Variants in MANSC1 observed in about 807,000 individuals in gnomAD.
The protein encoded by MANSC1 is MANSC domain-containing protein 1.
A neutral mutation model predicts 14.1 loss-of-function variants in MANSC1; 13 were observed. The ratio of observed to expected loss-of-function variants is 0.92; its 90% CI spans 0.60 to 1.46. The LOEUF is 1.46. Among genes scored for constraint, MANSC1 ranks in the 40% most tolerant of loss-of-function variants. The pLI, the probability that MANSC1 is intolerant of heterozygous loss-of-function variation, is 0.00. For missense variants in MANSC1, 486 were observed against 511.4 expected (o/e 0.95, Z 0.48); for synonymous variants, 227 against 200.7 (o/e 1.13, Z -1.11).
At chr12:12,342,107 T>C (rs1592035491) in intron 2 of MANSC1, among the ~76,000 whole-genome samples, 1 of 152,360 alleles carries the variant, frequency 6.6e-6, no homozygotes, top group Non-Finnish European at 1.5e-5. Context: ...CACGCCTGGC[T>C]GATTTTTTAC....
Position 12,338,917 on chromosome 12 carries a change from A to ACACC in MANSC1, c.224-358_224-357insGGTG, listed in dbSNP as rs749773741. ...CACACACACACACACACACACACAC[A>ACACC]CCCCTAAGACCTGCATGTCACTTAC... On this transcript the variant is annotated intron_variant, in intron 2 of 3. Transcript: ENST00000535902. 1.4e-3 allele frequency: 335 copies of ACACC among 241,434 alleles called. 4 individuals are homozygous for ACACC. Among genetic ancestry groups the ACACC allele is most frequent in the South Asian group, 4.5e-3 (85 of 18,692 alleles). The allele number at this position is 241,434 out of a possible 1,614,324, so 15.0% of individuals were successfully genotyped here. A position where few individuals can be genotyped will look rare whatever the true frequency, so the allele number is the denominator to read the frequency against.
intron 2 of MANSC1, chr12:12,338,921 CT>C: frequency 1.9e-5 from 3 of 159,170 alleles, no homozygotes; most frequent in Non-Finnish European, 3.7e-5. Context: ...ACACACACCC[CT>C]AAGACCTGCA....
rs1248844047 is a variant in MANSC1, at chr12:12,344,915, CCATATATATA to C, written c.-100-1511_-100-1502del. Among the ~76,000 whole-genome samples, 140 of 30,050 alleles carry C rather than the reference CCATATATATA, an allele frequency of 4.7e-3. 1 individual carries two copies. Among genetic ancestry groups the C allele is most frequent in the Middle Eastern group, 0.023 (1 of 44 alleles). 19.7% of individuals were successfully genotyped at this position (30,050 alleles called of 152,430 possible). ...ATGTGAGTTAATACTTAATAAACTC[CCATATATATA>C]TATATATATATATATATATATATAT... On this transcript the variant is annotated intron_variant, in intron 1 of 3. Coordinates refer to ENST00000535902, the MANE Select transcript of MANSC1 (RefSeq NM_018050.4).
intron 3 of MANSC1, among the ~76,000 whole-genome samples, chr12:12,331,584 C>A (rs1018310047): frequency 1.3e-5 from 2 of 152,036 alleles, no homozygotes; most frequent in African/African-American, 4.8e-5. Context: ...AAATGGGGAG[C>A]AAGTAATCAT....
chr12:12,346,518 A>G (rs895900235), intron 1 of MANSC1, among the ~76,000 whole-genome samples: 4 of 152,226 alleles, frequency 2.6e-5, no homozygotes, highest in African/African-American at 9.6e-5. Flanking sequence ...GAATAGACAA[A>G]CAGATCAATG....
intron 2 of MANSC1, among the ~76,000 whole-genome samples, chr12:12,342,514 C>T (rs1466493455): frequency 6.8e-6 from 1 of 148,128 alleles, no homozygotes; most frequent in East Asian, 2.0e-4. Context: ...TGAAAATGGG[C>T]CAGACTAATT....
rs994265657 is a variant in MANSC1, at chr12:12,330,896, G to A, written c.427C>T (p.His143Tyr). 3 of 1,611,830 alleles carry A rather than the reference G, an allele frequency of 1.9e-6. No homozygotes were observed. In the African/African-American group the frequency reaches 4.0e-5, roughly 22 times the overall value. ...GTGACTGCTTGTGAAAATTGGCCAT[G>A]TAAGAGAGAATCTTCCTGGGGTAAC... The part of the protein sequence containing the change: ...QELPQEDSLL[H>Y]GQFSQAVTPL... Residue 143 changes from histidine (H) to tyrosine (Y), a missense_variant, in exon 4 of 4, where the codon CAT (histidine) becomes TAT (tyrosine). Physicochemically the swap from His to Tyr is moderately conservative, Grantham distance 83. Transcript: ENST00000535902.
chr12:12,343,305 C>G lies in MANSC1; in HGVS notation c.10G>C (p.Gly4Arg), dbSNP rs770052461. 2.5e-5 allele frequency: 40 copies of G among 1,612,740 alleles called. No homozygotes were observed. Among genetic ancestry groups the G allele is most frequent in the Non-Finnish European group, 3.2e-5 (38 of 1,178,998 alleles). MFF[G>R]GEGSLTYTLV... Reference sequence around the variant, plus strand: ...GTGTAAGTCAAGCTCCCTTCTCCCCCGAAGAACATTTTAAATTTCAGTTTA... The same window carrying G: ...GTGTAAGTCAAGCTCCCTTCTCCCCGGAAGAACATTTTAAATTTCAGTTTA... The change falls in exon 2 of 4, where the codon GGG (glycine) becomes CGG (arginine). Residue 4 changes from glycine to arginine, a missense_variant. Physicochemically the swap from Gly to Arg is moderately radical, Grantham distance 125. Coordinates refer to ENST00000535902, the MANE Select transcript of MANSC1 (RefSeq NM_018050.4).
chr12:12,336,861 T>C (rs1463035579), intron 3 of MANSC1, among the ~76,000 whole-genome samples: 2 of 152,236 alleles, frequency 1.3e-5, no homozygotes, highest in Non-Finnish European at 1.5e-5. Flanking sequence ...CCTTAGGGCA[T>C]AGAAAGTACT....
At chr12:12,342,841 G>A (rs77328362) in intron 2 of MANSC1, among the ~76,000 whole-genome samples, 1,775 of 152,128 alleles carry the variant, frequency 0.012, 33 homozygotes, top group African/African-American at 0.04. Flanking sequence ...GATACCAGTT[G>A]GGATATAACA....
In MANSC1 at chr12:12,344,712, C is replaced by T. The variant is rs534537013; in HGVS notation, c.-100-1298G>A. On this transcript the variant is annotated intron_variant, in intron 1 of 3. Coordinates refer to ENST00000535902, the MANE Select transcript of MANSC1 (RefSeq NM_018050.4). ...TCTCGATCTCCTGACCATGATCCGC[C>T]TGCCTCGGCCTCCCAAAGTGCTGGG... 3.6e-4 allele frequency among the ~76,000 whole-genome samples: 54 copies of T among 150,274 alleles called. 1 individual carries two copies. In the East Asian group the frequency reaches 9.9e-3, roughly 27 times the overall value.
In MANSC1 at chr12:12,330,528, G is replaced by A. The variant is rs1242743343; in HGVS notation, c.795C>T (p.Ala265=). The change falls in exon 4 of 4, where the codon GCC becomes GCT. Residue 265 remains alanine, a synonymous_variant. Coordinates refer to ENST00000535902, the MANE Select transcript of MANSC1 (RefSeq NM_018050.4). ...CAGTGGTTACAGGTGGAGCTGTGGTGGCCAGCTGTGGCTGGGAAGTCCCAG... is the reference window on the plus strand; with the variant it reads ...CAGTGGTTACAGGTGGAGCTGTGGTAGCCAGCTGTGGCTGGGAAGTCCCAG... The part of the protein sequence containing the change: ...TPSGTSQPQL[A]TTAPPVTTVT... 66 of 1,614,092 alleles carry A rather than the reference G, an allele frequency of 4.1e-5. No homozygotes were observed. The highest frequency in any genetic ancestry group is 5.4e-5 in the Non-Finnish European group (64 of 1,180,042).
intron 3 of MANSC1, among the ~76,000 whole-genome samples, chr12:12,335,965 C>G (rs1862853957): frequency 6.6e-6 from 1 of 151,428 alleles, no homozygotes; most frequent in Non-Finnish European, 1.5e-5. Context: ...GGTGGATTAC[C>G]CGACATCAGG....
At chr12:12,335,299 A>G (rs1441569558) in intron 3 of MANSC1, among the ~76,000 whole-genome samples, 1 of 150,450 alleles carries the variant, frequency 6.6e-6, no homozygotes, top group Admixed American at 6.6e-5. Context: ...GTCACTGTCC[A>G]TTCCCAAGAG....
At chr12:12,335,925 G>A (rs1411790223) in intron 3 of MANSC1, among the ~76,000 whole-genome samples, 1 of 152,134 alleles carries the variant, frequency 6.6e-6, no homozygotes, top group Middle Eastern at 3.4e-3. Context: ...GCTCATGCCT[G>A]TAATCCCAGC....
chr12:12,340,037 C>A (rs1423794560), intron 2 of MANSC1, among the ~76,000 whole-genome samples: 1 of 152,104 alleles, frequency 6.6e-6, no homozygotes, highest in Non-Finnish European at 1.5e-5. Context: ...ATCTTGAACT[C>A]TTGGGCTCAA....
intron 1 of MANSC1, among the ~76,000 whole-genome samples, chr12:12,345,504 G>T (rs1862999423): frequency 6.6e-6 from 1 of 152,078 alleles, no homozygotes; most frequent in Non-Finnish European, 1.5e-5. Flanking sequence ...AAGTTTAGGG[G>T]CAGGTTTTCT....
At chr12:12,340,587 T>C (rs1862920812) in intron 2 of MANSC1, among the ~76,000 whole-genome samples, 1 of 152,248 alleles carries the variant, frequency 6.6e-6, no homozygotes, top group Non-Finnish European at 1.5e-5. Flanking sequence ...GTTATCATAG[T>C]GCCTTTTGAA....
chr12:12,336,380 T>C (rs1184521353), intron 3 of MANSC1, among the ~76,000 whole-genome samples: 6 of 152,154 alleles, frequency 3.9e-5, no homozygotes, highest in African/African-American at 1.4e-4. Flanking sequence ...AGTTTAGGGG[T>C]TACAACTTTA....
Sources: allele counts gnomAD v4.1 joint callset (sites outside exome capture counted in the v4.1 genomes callset), GRCh38; gene constraint gnomAD v4.1.1; transcripts MANE v1.5; gene names NCBI Gene and HGNC (gene_info 2026-07-23, HGNC 2026-07-21).